Variants in ZDHHC15 observed in about 807,000 individuals in gnomAD.
The protein encoded by ZDHHC15 is zDHHC palmitoyltransferase 15, also known as palmitoyltransferase ZDHHC15.
Under a neutral mutation model 31.7 loss-of-function variants are expected in ZDHHC15, and 19 were observed. The observed-to-expected ratio is 0.60, with a 90% CI of 0.42 to 0.88. ZDHHC15 has a LOEUF of 0.88. ZDHHC15 is among the 40% of genes least tolerant of loss of function. The pLI is 0.00. For missense variants in ZDHHC15, 209 were observed against 251.2 expected, an observed-to-expected ratio of 0.83 and a Z score of 1.14; for synonymous variants, 103 against 90.0, an observed-to-expected ratio of 1.14 and a Z score of -0.82.
At chrX:75,491,263 T>A (rs1464670416) in intron 2 of ZDHHC15, among the ~76,000 whole-genome samples, 1 of 110,381 alleles carries the variant, frequency 9.1e-6, no homozygotes, top group Non-Finnish European at 1.9e-5. Context: ...TAAGAAAATG[T>A]GGCACATATA....
At chrX:75,469,046 C>A (rs1396386356) in intron 3 of ZDHHC15, among the ~76,000 whole-genome samples, 2 of 61,581 alleles carry the variant, frequency 3.2e-5, no homozygotes, top group East Asian at 6.0e-4. Context: ...GTTTGATGTA[C>A]AAAAGGCTTT....
intron 2 of ZDHHC15, among the ~76,000 whole-genome samples, chrX:75,504,847 C>T (rs1021704195): frequency 8.0e-5 from 9 of 111,836 alleles, no homozygotes; most frequent in Admixed American, 1.9e-4. Flanking sequence ...TGGTAGGAAA[C>T]ATGCACTGAT....
intron 1 of ZDHHC15, among the ~76,000 whole-genome samples, chrX:75,508,145 A>T (rs1275562863): frequency 9.0e-6 from 1 of 111,074 alleles, no homozygotes; most frequent in African/African-American, 3.3e-5. Flanking sequence ...TTTCATTTGA[A>T]CATGTTTTTT....
At chrX:75,421,768 TG>T in intron 9 of ZDHHC15, 95 bp downstream of exon 9, 1 of 977,827 alleles carries the variant, frequency 1.0e-6, no homozygotes, top group Non-Finnish European at 1.4e-6. Flanking sequence ...AGTTTCACAC[TG>T]GACTGATACC....
At chrX:75,451,198 C>T (rs1448286576) in intron 3 of ZDHHC15, among the ~76,000 whole-genome samples, 2 of 111,911 alleles carry the variant, frequency 1.8e-5, no homozygotes, top group Non-Finnish European at 3.8e-5. Context: ...TAACAAGTGG[C>T]AATGCTGGAC....
chrX:75,517,593 G>T (rs1201181580), intron 1 of ZDHHC15, among the ~76,000 whole-genome samples: 3 of 79,414 alleles, frequency 3.8e-5, no homozygotes, highest in Non-Finnish European at 7.1e-5. Context: ...GTCGTGGGGT[G>T]GGGGGAGGGG....
chrX:75,421,821 C>A (rs1005323286), intron 9 of ZDHHC15, 43 bp downstream of exon 9: 2 of 1,188,167 alleles, frequency 1.7e-6, no homozygotes, highest in Non-Finnish European at 2.3e-6. Flanking sequence ...TGGTTCAAGG[C>A]AGGGTCCAGT....
At chrX:75,414,773 G>A (rs1330257339) in intron 10 of ZDHHC15, among the ~76,000 whole-genome samples, 4 of 93,654 alleles carry the variant, frequency 4.3e-5, no homozygotes, top group African/African-American at 1.6e-4. Context: ...GTACAAGTAC[G>A]TTTTTTTTTT....
At chrX:75,444,345 A>C (rs1357118971) in intron 4 of ZDHHC15, among the ~76,000 whole-genome samples, 1 of 107,199 alleles carries the variant, frequency 9.3e-6, no homozygotes, top group East Asian at 3.0e-4. Flanking sequence ...TGAAGCCATC[A>C]TTCTCAGCAA....
intron 2 of ZDHHC15, among the ~76,000 whole-genome samples, chrX:75,489,918 A>AAGGCACAAGAACT (rs1185942434): frequency 8.9e-6 from 1 of 112,399 alleles, no homozygotes; most frequent in Non-Finnish European, 1.9e-5. Context: ...GCTGAAAAAC[A>AAGGCACAAGAACT]AGGCACAAGA....
At chrX:75,381,561 G>A (rs1412857249) in intron 10 of ZDHHC15, among the ~76,000 whole-genome samples, 5 of 111,571 alleles carry the variant, frequency 4.5e-5, no homozygotes, top group Non-Finnish European at 9.4e-5. Context: ...TAGCACCCAA[G>A]TAATCTTTCT....
In ZDHHC15 at chrX:75,523,028, T is replaced by C. The variant is rs1265311591; in HGVS notation, c.-4A>G. 8.3e-7 allele frequency: 1 copy of C among 1,205,805 alleles called. No individual in the cohort carries two copies. Among genetic ancestry groups the C allele is most frequent in the Admixed American group, 2.2e-5 (1 of 45,329 alleles). The stretch of plus-strand genomic sequence containing the variant: ...CCATCTTCCAGCCTCGCCGCATCTT[T>C]GGCTCGAAGATCGACCAAGCAGGCC... On this transcript the variant is annotated 5_prime_UTR_variant, in exon 1 of 12. Transcript: ENST00000373367.
intron 2 of ZDHHC15, among the ~76,000 whole-genome samples, chrX:75,497,406 C>T (rs2085018871): frequency 9.0e-6 from 1 of 111,564 alleles, no homozygotes; most frequent in Admixed American, 9.6e-5. Flanking sequence ...ATCAGACATT[C>T]GAAGAATAGG....
At position 75,372,009 on chromosome X, in the gene ZDHHC15, A is replaced by C. The variant is rs1190074395; in HGVS notation, c.*969T>G. The C allele has an allele frequency of 8.9e-6, 1 of 112,136 alleles. No homozygotes were observed. The highest frequency in any genetic ancestry group is 1.9e-5 in the Non-Finnish European group (1 of 53,229). The allele number at this position is 112,136 out of a possible 1,213,427, so 9.2% of individuals were successfully genotyped here. ...TCCTCAGGCTAATGTCAGCTGTGAA[A>C]CTTTACCCTTATGAAAGGCAGTGAA... On this transcript the variant is annotated 3_prime_UTR_variant, in exon 12 of 12. Coordinates refer to ENST00000373367, the MANE Select transcript of ZDHHC15 (RefSeq NM_144969.3).
chrX:75,465,340 T>A (rs1347020425), intron 3 of ZDHHC15, among the ~76,000 whole-genome samples: 1 of 112,100 alleles, frequency 8.9e-6, no homozygotes, highest in African/African-American at 3.2e-5. Context: ...TCCATGCTCA[T>A]GAGATAGGAA....
intron 1 of ZDHHC15, among the ~76,000 whole-genome samples, chrX:75,510,831 G>T (rs1322136029): frequency 4.6e-5 from 3 of 65,452 alleles, no homozygotes; most frequent in Admixed American, 2.1e-4. Context: ...GCGGTGTTTG[G>T]TTTTTTGTTC....
At chrX:75,410,784 C>T (rs1398821739) in intron 10 of ZDHHC15, among the ~76,000 whole-genome samples, 1 of 112,179 alleles carries the variant, frequency 8.9e-6, no homozygotes, top group African/African-American at 3.2e-5. Flanking sequence ...TATTTGTACT[C>T]CTATGATGTT....
chrX:75,411,140 A>C (rs2083480437), intron 10 of ZDHHC15, among the ~76,000 whole-genome samples: 1 of 111,934 alleles, frequency 8.9e-6, no homozygotes, highest in African/African-American at 3.2e-5. Context: ...GTAAGTATAC[A>C]ATTCGATAGG....
intron 1 of ZDHHC15, 104 bp downstream of exon 1, chrX:75,522,785 C>T: frequency 9.4e-7 from 1 of 1,066,202 alleles, no homozygotes; most frequent in Non-Finnish European, 1.3e-6. Context: ...AAAGGAAAAC[C>T]GCAGAGAGAA....
Sources: allele counts gnomAD v4.1 joint callset (sites outside exome capture counted in the v4.1 genomes callset), GRCh38; gene constraint gnomAD v4.1.1; transcripts MANE v1.5; gene names NCBI Gene and HGNC (gene_info 2026-07-23, HGNC 2026-07-21).